Variants in KIAA1958 observed in about 807,000 individuals in gnomAD.
KIAA1958 encodes the protein KIAA1958, also known as uncharacterized protein KIAA1958.
Under a neutral mutation model 47.2 loss-of-function variants are expected in KIAA1958, and 14 were observed. The ratio of observed to expected loss-of-function variants is 0.30; its 90% CI spans 0.20 to 0.46. The LOEUF (loss-of-function observed/expected upper bound fraction) is 0.46. Ranked by LOEUF, KIAA1958 falls within the 20% of genes least tolerant of loss-of-function variation. KIAA1958 has a pLI of 1.00. For synonymous variants in KIAA1958, 354 were observed against 353.3 expected (o/e 1.00, Z -0.02); for missense variants, 803 against 909.2 (o/e 0.88, Z 1.50).
intron 2 of KIAA1958, among the ~76,000 whole-genome samples, chr9:112,640,984 A>G (rs982258492): frequency 2.0e-5 from 3 of 152,016 alleles, no homozygotes; most frequent in African/African-American, 7.2e-5. Flanking sequence ...CTATTTCACA[A>G]TCCTTTAAAA....
At position 112,668,023 on chromosome 9, in the gene KIAA1958, A is replaced by G. The variant is rs1360544712; in HGVS notation, c.*7954A>G. 1.5e-5 allele frequency: 1 copy of G among 68,794 alleles called. No individual in the cohort carries two copies. The highest frequency in any genetic ancestry group is 2.7e-5 in the Non-Finnish European group (1 of 37,712). 4.3% of individuals were successfully genotyped at this position (68,794 alleles called of 1,614,324 possible). On this transcript the variant is annotated 3_prime_UTR_variant, in exon 4 of 4. Coordinates refer to ENST00000337530, the MANE Select transcript of KIAA1958 (RefSeq NM_133465.4). Reference sequence around the variant, plus strand: ...AAATTAATACAATAAGGTGTAATAAATGCCATACCACAGCATCATGTTTCT... The same window carrying G: ...AAATTAATACAATAAGGTGTAATAAGTGCCATACCACAGCATCATGTTTCT...
intron 2 of KIAA1958, among the ~76,000 whole-genome samples, chr9:112,593,430 C>T (rs1231348124): frequency 6.6e-6 from 1 of 152,150 alleles, no homozygotes; most frequent in Non-Finnish European, 1.5e-5. Flanking sequence ...AGCAGCTGGA[C>T]CACATGCCCA....
At chr9:112,525,428 C>G (rs374294745) in intron 1 of KIAA1958, among the ~76,000 whole-genome samples, 4 of 152,216 alleles carry the variant, frequency 2.6e-5, no homozygotes, top group African/African-American at 9.6e-5. Context: ...TATAAGCATA[C>G]AAATCTTGGG....
chr9:112,635,129 C>T (rs935432756), intron 2 of KIAA1958, among the ~76,000 whole-genome samples: 7 of 151,792 alleles, frequency 4.6e-5, no homozygotes, highest in Admixed American at 4.6e-4. Context: ...CCCTCTTTTT[C>T]TGTTCACTAG....
intron 2 of KIAA1958, among the ~76,000 whole-genome samples, chr9:112,580,659 C>A (rs1171741940): frequency 6.6e-6 from 1 of 151,904 alleles, no homozygotes; most frequent in African/African-American, 2.4e-5. Flanking sequence ...TGGTGGCAGG[C>A]GCCTGTAGTC....
intron 1 of KIAA1958, among the ~76,000 whole-genome samples, chr9:112,530,894 G>C (rs1177977538): frequency 1.3e-5 from 2 of 152,140 alleles, no homozygotes; most frequent in African/African-American, 4.8e-5. Flanking sequence ...TAGAAGCCTA[G>C]AATTCTTAAT....
chr9:112,623,392 A>G (rs1836544862), intron 2 of KIAA1958, among the ~76,000 whole-genome samples: 1 of 152,232 alleles, frequency 6.6e-6, no homozygotes, highest in African/African-American at 2.4e-5. Context: ...ATGTAAGAGC[A>G]TCCGTATCTG....
intron 1 of KIAA1958, among the ~76,000 whole-genome samples, chr9:112,489,717 G>T (rs1166917515): frequency 6.6e-6 from 1 of 151,994 alleles, no homozygotes; most frequent in African/African-American, 2.4e-5. Flanking sequence ...GTGTAAAACT[G>T]GATTTTTAAA....
chr9:112,495,335 G>A (rs1201627376), intron 1 of KIAA1958, among the ~76,000 whole-genome samples: 1 of 151,994 alleles, frequency 6.6e-6, no homozygotes, highest in Non-Finnish European at 1.5e-5. Flanking sequence ...CTGTACTTTT[G>A]GAGAAGGTTT....
At chr9:112,519,090 T>C (rs1032912620) in intron 1 of KIAA1958, among the ~76,000 whole-genome samples, 20 of 152,036 alleles carry the variant, frequency 1.3e-4, no homozygotes, top group Admixed American at 1.3e-3. Flanking sequence ...CCACCATGCC[T>C]AGCTAATTTT....
intron 2 of KIAA1958, among the ~76,000 whole-genome samples, chr9:112,640,315 C>T (rs1469558317): frequency 6.6e-6 from 1 of 152,194 alleles, no homozygotes; most frequent in African/African-American, 2.4e-5. Context: ...GGCATCTCTC[C>T]TCTTTGGAAG....
chr9:112,556,240 CCT>C (rs1320074691), intron 1 of KIAA1958, among the ~76,000 whole-genome samples: 1 of 152,124 alleles, frequency 6.6e-6, no homozygotes, highest in East Asian at 1.9e-4. Context: ...AATTTCTGTC[CCT>C]GTTACCTGCA....
intron 1 of KIAA1958, among the ~76,000 whole-genome samples, chr9:112,525,992 TCTTCTTC>T (rs1834640812): frequency 6.1e-3 from 18 of 2,958 alleles, no homozygotes; most frequent in East Asian, 0.012. Context: ...TTCTTCTTCT[TCTTCTTC>T]TTTTTTTTTT....
At chr9:112,572,859 C>T (rs1564176752) in intron 1 of KIAA1958, among the ~76,000 whole-genome samples, 1 of 152,182 alleles carries the variant, frequency 6.6e-6, no homozygotes, top group Non-Finnish European at 1.5e-5. Context: ...CCTGACAGGG[C>T]GCCATGGAGT....
intron 1 of KIAA1958, among the ~76,000 whole-genome samples, chr9:112,533,271 A>G (rs1283124731): frequency 6.6e-6 from 1 of 152,046 alleles, no homozygotes; most frequent in Non-Finnish European, 1.5e-5. Context: ...GGTAATTTAT[A>G]AAGAAAAGAG....
intron 3 of KIAA1958, among the ~76,000 whole-genome samples, chr9:112,655,560 C>A (rs936964872): frequency 2.6e-5 from 4 of 152,238 alleles, no homozygotes; most frequent in African/African-American, 9.6e-5. Flanking sequence ...TCACCACTTG[C>A]AAAGCCAGTA....
At chr9:112,560,758 C>G (rs992050101) in intron 1 of KIAA1958, among the ~76,000 whole-genome samples, 1 of 152,092 alleles carries the variant, frequency 6.6e-6, no homozygotes, top group Non-Finnish European at 1.5e-5. Context: ...ATCATGGCAT[C>G]TATTATCCTG....
intron 1 of KIAA1958, among the ~76,000 whole-genome samples, chr9:112,568,936 TAAAAAAAAAAAAAAAAAA>T (rs57898820): frequency 5.5e-5 from 2 of 36,456 alleles, no homozygotes; most frequent in Non-Finnish European, 4.5e-5. Context: ...ATAGGAAAAC[TAAAAAAAAAAAAAAAAAA>T]AAAAAAAAAA....
chr9:112,605,331 G>A (rs1005635544), intron 2 of KIAA1958, among the ~76,000 whole-genome samples: 2 of 152,052 alleles, frequency 1.3e-5, no homozygotes, highest in African/African-American at 2.4e-5. Context: ...GATGGGTTGG[G>A]GAAAAGTGAA....
Sources: gnomAD v4.1 joint callset for allele counts (sites outside exome capture counted in the v4.1 genomes callset) on GRCh38, gnomAD v4.1.1 for gene constraint, MANE v1.5 for transcripts, NCBI Gene and HGNC (gene_info 2026-07-23, HGNC 2026-07-21) for gene names.